ARID2: variants seen among roughly 807,000 people sequenced by gnomAD.
The protein encoded by ARID2 is AT-rich interactive domain-containing protein 2.
In ARID2, 32 loss-of-function variants were observed where a neutral mutation model predicts 184.6. That is an observed-to-expected ratio of 0.17 (90% CI 0.13 to 0.23). The LOEUF (loss-of-function observed/expected upper bound fraction) is 0.23, where lower values mean the gene tolerates loss of function less well. Ranked by LOEUF, ARID2 falls within the 10% of genes least tolerant of loss-of-function variation. The pLI is 1.00. For missense variants in ARID2, 1,696 were observed against 2,197.6 expected (o/e 0.77, Z 4.56); for synonymous variants, 836 against 772.6 (o/e 1.08, Z -1.36).
chr12:45,873,032 TCA>T (rs1240772145), intron 16 of ARID2, among the ~76,000 whole-genome samples: 1 of 152,232 alleles, frequency 6.6e-6, no homozygotes, highest in Admixed American at 6.5e-5. Flanking sequence ...AGTGTTTGAC[TCA>T]CATGTTTTGA....
At chr12:45,860,716 CATA>C in intron 15 of ARID2, 82 bp from the exon 16 acceptor site, 3 of 1,182,598 alleles carry the variant, frequency 2.5e-6, no homozygotes, top group South Asian at 7.4e-5. Context: ...TGTATAACAA[CATA>C]ATCAAATTTA....
intron 3 of ARID2, among the ~76,000 whole-genome samples, chr12:45,761,158 ATCTT>A (rs1172470167): frequency 1.3e-5 from 2 of 152,212 alleles, no homozygotes; most frequent in African/African-American, 4.8e-5. Context: ...TCCAAGTTGA[ATCTT>A]TCTCTTCTCC....
intron 4 of ARID2, among the ~76,000 whole-genome samples, chr12:45,813,831 T>C (rs1283133685): frequency 6.6e-6 from 1 of 152,168 alleles, no homozygotes; most frequent in Admixed American, 6.5e-5. Context: ...TTTAAGATTC[T>C]TCAACATTGG....
At chr12:45,744,427 G>A (rs775043137) in intron 3 of ARID2, among the ~76,000 whole-genome samples, 6 of 151,846 alleles carry the variant, frequency 4.0e-5, no homozygotes, top group Admixed American at 6.6e-5. Flanking sequence ...TAAGAGAGGG[G>A]CTAATGATGA....
chr12:45,824,369 G>A (rs911999768), intron 6 of ARID2, among the ~76,000 whole-genome samples: 1 of 151,968 alleles, frequency 6.6e-6, no homozygotes, highest in African/African-American at 2.4e-5. Context: ...ACTGAAATAA[G>A]ATGAGGACAC....
intron 3 of ARID2, among the ~76,000 whole-genome samples, chr12:45,783,410 G>A (rs1942133957): frequency 6.6e-6 from 1 of 152,108 alleles, no homozygotes; most frequent in Non-Finnish European, 1.5e-5. Context: ...CAGTAAATGA[G>A]GAAAATAAAT....
At chr12:45,734,298 G>A (rs914669148) in intron 3 of ARID2, among the ~76,000 whole-genome samples, 2 of 152,190 alleles carry the variant, frequency 1.3e-5, no homozygotes, top group Admixed American at 6.5e-5. Flanking sequence ...GAGCCCGGGA[G>A]TCGGAGGTTG....
At chr12:45,893,099 C>T (rs1039020122) in intron 18 of ARID2, among the ~76,000 whole-genome samples, 1 of 152,134 alleles carries the variant, frequency 6.6e-6, no homozygotes, top group Non-Finnish European at 1.5e-5. Flanking sequence ...GATGAGAAGG[C>T]TATAACTTCG....
chr12:45,885,630 T>A (rs1161996217), intron 16 of ARID2, among the ~76,000 whole-genome samples: 1 of 152,176 alleles, frequency 6.6e-6, no homozygotes, highest in Admixed American at 6.5e-5. Context: ...ACTGGGTAAT[T>A]TGCAAAGGAA....
In ARID2 at chr12:45,905,902, A is replaced by C. The variant is rs964062841; in HGVS notation, c.*824A>C. 7 of 232,750 alleles carry C rather than the reference A, an allele frequency of 3.0e-5. No homozygotes were observed. The highest frequency in any genetic ancestry group is 1.5e-4 in the African/African-American group (7 of 45,206). The allele number at this position is 232,750 out of a possible 1,614,324, so 14.4% of individuals were successfully genotyped here. A position where few individuals can be genotyped will look rare whatever the true frequency, so the allele number is the denominator to read the frequency against. On this transcript the variant is annotated 3_prime_UTR_variant, in exon 21 of 21. Transcript: ENST00000334344. Reference sequence around the variant, plus strand: ...CAAAGGTACTGATGCTGTAAAGTCAAAACAGTTTTGTGGAACTGTGATTTT... The same window carrying C: ...CAAAGGTACTGATGCTGTAAAGTCACAACAGTTTTGTGGAACTGTGATTTT...
intron 10 of ARID2, among the ~76,000 whole-genome samples, chr12:45,838,757 C>T (rs1404550193): frequency 1.3e-5 from 2 of 151,314 alleles, no homozygotes; most frequent in African/African-American, 4.9e-5. Flanking sequence ...AGAACAAGAT[C>T]CTTTCTCAAA....
chr12:45,780,205 C>A (rs145859116), intron 3 of ARID2, among the ~76,000 whole-genome samples: 1 of 152,232 alleles, frequency 6.6e-6, no homozygotes, highest in East Asian at 1.9e-4. Context: ...TACAAACTGA[C>A]AATCATCTGA....
intron 16 of ARID2, among the ~76,000 whole-genome samples, chr12:45,890,103 TAGAG>T (rs1249237221): frequency 4.6e-5 from 7 of 152,144 alleles, no homozygotes; most frequent in Admixed American, 3.3e-4. Context: ...AGTAGTTAGA[TAGAG>T]AGAAAATAGA....
intron 3 of ARID2, among the ~76,000 whole-genome samples, chr12:45,731,650 T>C (rs1941003369): frequency 1.3e-5 from 2 of 152,180 alleles, no homozygotes; most frequent in Non-Finnish European, 2.9e-5. Flanking sequence ...TTAAGATAGT[T>C]AATGAAACTT....
At chr12:45,814,518 C>T (rs1279524254) in intron 4 of ARID2, among the ~76,000 whole-genome samples, 2 of 151,954 alleles carry the variant, frequency 1.3e-5, no homozygotes, top group Admixed American at 6.6e-5. Context: ...GGTGTGGTGT[C>T]GCATGCCTGT....
In ARID2 at chr12:45,836,640, A is replaced by C; in HGVS notation, c.757A>C (p.Arg253=). Residue 253 remains arginine, a synonymous_variant, in exon 7 of 21, where the codon AGA becomes CGA. Transcript: ENST00000334344. The stretch of plus-strand genomic sequence containing the variant: ...TGAAGTTCGTGACCTCATTTCTGAC[A>C]GAAACAAGTCTCATGGTAAGTTAGT... The part of the protein sequence containing the change: ...DNEVRDLISD[R]NKSHEGTSGE... 2 of 1,610,958 alleles carry C rather than the reference A, an allele frequency of 1.2e-6. No individual in the cohort carries two copies. The highest frequency in any genetic ancestry group is 1.7e-6 in the Non-Finnish European group (2 of 1,178,874).
At chr12:45,787,543 C>T (rs1334666287) in intron 3 of ARID2, among the ~76,000 whole-genome samples, 1 of 151,948 alleles carries the variant, frequency 6.6e-6, no homozygotes, top group African/African-American at 2.4e-5. Flanking sequence ...CAGACGTGTA[C>T]ATATACATAT....
chr12:45,819,903 C>T (rs957784382), intron 5 of ARID2, among the ~76,000 whole-genome samples: 1 of 152,014 alleles, frequency 6.6e-6, no homozygotes, highest in African/African-American at 2.4e-5. Context: ...ACCACCACAC[C>T]TGGCTAATTT....
At chr12:45,776,676 A>G (rs1232036140) in intron 3 of ARID2, among the ~76,000 whole-genome samples, 1 of 151,918 alleles carries the variant, frequency 6.6e-6, no homozygotes, top group East Asian at 1.9e-4. Context: ...GAGGCTGGGC[A>G]TGGTGGATCA....
Sources: gnomAD v4.1 joint callset for allele counts (sites outside exome capture counted in the v4.1 genomes callset) on GRCh38, gnomAD v4.1.1 for gene constraint, MANE v1.5 for transcripts, NCBI Gene and HGNC (gene_info 2026-07-23, HGNC 2026-07-21) for gene names.